STRN: variants seen among roughly 807,000 people sequenced by gnomAD.
The protein encoded by STRN is protein phosphatase 2 regulatory subunit B'''alpha.
In STRN, 53 loss-of-function variants were observed where a neutral mutation model predicts 96.3. That is an observed-to-expected ratio of 0.55 (90% CI 0.44 to 0.69). The LOEUF (loss-of-function observed/expected upper bound fraction) is 0.69, where lower values mean the gene tolerates loss of function less well. Among genes scored for constraint, STRN ranks in the 30% least tolerant of loss-of-function variants. The pLI is 0.00. For missense variants in STRN, 987 were observed against 963.9 expected (o/e 1.02, Z -0.32); for synonymous variants, 428 against 355.9 (o/e 1.20, Z -2.28).
Position 36,966,500 on chromosome 2 carries a change from C to T in STRN, c.-37G>A. 7.2e-7 allele frequency: 1 copy of T among 1,387,200 alleles called. No homozygotes were observed. Among genetic ancestry groups the T allele is most frequent in the Non-Finnish European group, 9.3e-7 (1 of 1,074,748 alleles). 85.9% of individuals were successfully genotyped at this position (1,387,200 alleles called of 1,614,324 possible). On this transcript the variant is annotated 5_prime_UTR_variant, in exon 1 of 18. Coordinates refer to ENST00000263918, the MANE Select transcript of STRN (RefSeq NM_003162.4). ...ATACCCGGGGAGCTGCCCCGGCGCC[C>T]AGCAGCGGAGGCAACAGCGGCGGCA...
intron 8 of STRN, among the ~76,000 whole-genome samples, chr2:36,885,588 G>C (rs920413148): frequency 7.2e-5 from 11 of 152,000 alleles, no homozygotes; most frequent in African/African-American, 2.7e-4. Flanking sequence ...TTATGTAATG[G>C]TTTAACATCA....
chr2:36,897,750 T>A (rs1340636766), intron 6 of STRN, among the ~76,000 whole-genome samples: 2 of 152,078 alleles, frequency 1.3e-5, no homozygotes, highest in Non-Finnish European at 2.9e-5. Context: ...ACTAAAAAAA[T>A]TTTTGAGTGC....
In STRN at chr2:36,849,897, T is replaced by G. The variant is rs1668177342; in HGVS notation, c.2087-97A>C. 3 of 1,141,524 alleles carry G rather than the reference T, an allele frequency of 2.6e-6. No homozygotes were observed. The East Asian group carries it at 7.3e-5, about 28-fold the overall frequency. The allele number at this position is 1,141,524 out of a possible 1,614,324, so 70.7% of individuals were successfully genotyped here. ...CTGCTGGTTTCTCCAGTCATCCCTC[T>G]CTGTGTGCTTACTGTATTAATAGCT... is the stretch of plus-strand genomic sequence containing the variant. On this transcript the variant is annotated intron_variant, in intron 16 of 17. Coordinates refer to ENST00000263918, the MANE Select transcript of STRN (RefSeq NM_003162.4).
chr2:36,858,767 T>C (rs1023589141), intron 13 of STRN, among the ~76,000 whole-genome samples: 7 of 152,328 alleles, frequency 4.6e-5, no homozygotes, highest in Non-Finnish European at 1.0e-4. Flanking sequence ...CCATAAAATA[T>C]TGAAGACACA....
chr2:36,888,567 G>A (rs1178759950), intron 7 of STRN, among the ~76,000 whole-genome samples: 1 of 151,710 alleles, frequency 6.6e-6, no homozygotes. Context: ...CCCTCATCAC[G>A]TCTTTTACTC....
At chr2:36,959,983 C>T (rs765311052) in intron 1 of STRN, among the ~76,000 whole-genome samples, 2 of 151,946 alleles carry the variant, frequency 1.3e-5, no homozygotes, top group African/African-American at 4.8e-5. Context: ...TAATAGGATA[C>T]GTTTTAAAAG....
At chr2:36,883,525 T>C (rs1356146452) in intron 9 of STRN, among the ~76,000 whole-genome samples, 1 of 152,202 alleles carries the variant, frequency 6.6e-6, no homozygotes, top group Non-Finnish European at 1.5e-5. Context: ...TAGCAGAATA[T>C]GTGACTAGAC....
chr2:36,903,738 G>A (rs114639587), intron 4 of STRN, among the ~76,000 whole-genome samples: 1 of 152,104 alleles, frequency 6.6e-6, no homozygotes, highest in African/African-American at 2.4e-5. Flanking sequence ...GGGAGTAAGT[G>A]TATCTTACCA....
At chr2:36,948,590 C>T (rs1200933134) in intron 1 of STRN, among the ~76,000 whole-genome samples, 1 of 152,018 alleles carries the variant, frequency 6.6e-6, no homozygotes, top group Non-Finnish European at 1.5e-5. Flanking sequence ...AGGAAGTTGC[C>T]AAAGAGATGA....
At chr2:36,870,654 T>C (rs1008369473) in intron 10 of STRN, among the ~76,000 whole-genome samples, 4 of 152,240 alleles carry the variant, frequency 2.6e-5, no homozygotes, top group Non-Finnish European at 5.9e-5. Flanking sequence ...TATTAAAGTC[T>C]AGCACATATA....
At position 36,847,207 on chromosome 2, in the gene STRN, C is replaced by G. The variant is rs1668101520; in HGVS notation, c.*2249G>C. The G allele has an allele frequency of 1.3e-5, 2 of 152,140 alleles. No individual in the cohort carries two copies. Among genetic ancestry groups the G allele is most frequent in the South Asian group, 2.1e-4 (1 of 4,824 alleles). The allele number at this position is 152,140 out of a possible 1,614,324, so 9.4% of individuals were successfully genotyped here. ...ATGTATCTCATGGTTATTTTCCACT[C>G]ACTGACAGAAAAATTTCAACCATGA... On this transcript the variant is annotated 3_prime_UTR_variant, in exon 18 of 18. Transcript: ENST00000263918.
At chr2:36,854,758 T>G (rs57630064) in intron 15 of STRN, among the ~76,000 whole-genome samples, 1 of 152,288 alleles carries the variant, frequency 6.6e-6, no homozygotes, top group African/African-American at 2.4e-5. Flanking sequence ...GAAAAAGCAC[T>G]TATTTCCTGA....
intron 1 of STRN, among the ~76,000 whole-genome samples, chr2:36,958,625 A>G (rs1664951649): frequency 6.6e-6 from 1 of 152,238 alleles, no homozygotes; most frequent in South Asian, 2.1e-4. Flanking sequence ...TATCGAGAAT[A>G]AAGCATGGAG....
At chr2:36,942,747 G>A (rs1670876982) in intron 1 of STRN, among the ~76,000 whole-genome samples, 1 of 152,106 alleles carries the variant, frequency 6.6e-6, no homozygotes, top group African/African-American at 2.4e-5. Context: ...CCAGGCTGGA[G>A]TGCAGTGGCG....
intron 1 of STRN, among the ~76,000 whole-genome samples, chr2:36,947,540 C>T (rs188001533): frequency 1.3e-5 from 2 of 148,514 alleles, no homozygotes; most frequent in Admixed American, 1.3e-4. Flanking sequence ...CTTGATAACT[C>T]GGGAACATAT....
In STRN at chr2:36,966,444, G is replaced by A; in HGVS notation, c.20C>T (p.Pro7Leu). 2.0e-6 allele frequency: 3 copies of A among 1,463,586 alleles called. No individual in the cohort carries two copies. Among genetic ancestry groups the A allele is most frequent in the Non-Finnish European group, 2.7e-6 (3 of 1,109,292 alleles). The allele number at this position is 1,463,586 out of a possible 1,614,324, so 90.7% of individuals were successfully genotyped here. Reference protein sequence around the residue: MDEQAGPGVFFSNNHPG... With the variant: MDEQAGLGVFFSNNHPG... Reference sequence around the variant, plus strand: ...GTGGTTGTTGCTGAAGAAGACGCCGGGACCCGCCTGCTCGTCCATGGCGGC... The same window carrying A: ...GTGGTTGTTGCTGAAGAAGACGCCGAGACCCGCCTGCTCGTCCATGGCGGC... Residue 7 changes from proline (P) to leucine (L), a missense_variant, in exon 1 of 18, where the codon CCC (proline) becomes CTC (leucine). Physicochemically the swap from Pro to Leu is moderately conservative, Grantham distance 98 (BLOSUM62 -3). Coordinates refer to ENST00000263918, the MANE Select transcript of STRN (RefSeq NM_003162.4).
At chr2:36,857,043 C>G (rs1340711179) in intron 14 of STRN, among the ~76,000 whole-genome samples, 1 of 151,134 alleles carries the variant, frequency 6.6e-6, no homozygotes, top group African/African-American at 2.4e-5. Flanking sequence ...ATTACCCAGT[C>G]TCAGGTATTT....
At chr2:36,883,486 A>G (rs112426393) in intron 9 of STRN, among the ~76,000 whole-genome samples, 3 of 152,296 alleles carry the variant, frequency 2.0e-5, no homozygotes, top group African/African-American at 7.2e-5. Context: ...TACACATGTG[A>G]ACCAAGACTG....
chr2:36,915,070 G>A (rs1161446139), intron 3 of STRN, among the ~76,000 whole-genome samples: 10 of 150,508 alleles, frequency 6.6e-5, no homozygotes, highest in East Asian at 3.9e-4. Context: ...GGTGGTGGGC[G>A]CCAGTAATCC....
Sources: allele counts gnomAD v4.1 joint callset (sites outside exome capture counted in the v4.1 genomes callset), GRCh38; gene constraint gnomAD v4.1.1; transcripts MANE v1.5; gene names NCBI Gene and HGNC (gene_info 2026-07-23, HGNC 2026-07-21).